Variants in TBX15 observed in about 807,000 individuals in gnomAD.
TBX15 encodes the protein T-box transcription factor 15.
TBX15 carries 18 observed loss-of-function variants against 53.9 expected under a neutral mutation model. The ratio of observed to expected loss-of-function variants is 0.33; its 90% CI spans 0.23 to 0.49. The LOEUF is 0.49. TBX15 is among the 20% of genes least tolerant of loss of function. The pLI, the probability that TBX15 is intolerant of heterozygous loss-of-function variation, is 0.98. For synonymous variants in TBX15, 295 were observed against 278.0 expected (o/e 1.06, Z -0.61); for missense variants, 692 against 749.5 (o/e 0.92, Z 0.90).
chr1:118,948,578 C>T (rs1161929601), intron 1 of TBX15, among the ~76,000 whole-genome samples: 1 of 152,192 alleles, frequency 6.6e-6, no homozygotes, highest in South Asian at 2.1e-4. Flanking sequence ...GGCCTCAGTG[C>T]AATTCTTCTC....
At position 118,884,565 on chromosome 1, in the gene TBX15, T is replaced by A; in HGVS notation, c.*167A>T. 1 of 818,140 alleles carries A rather than the reference T, an allele frequency of 1.2e-6. No individual in the cohort carries two copies. The highest frequency in any genetic ancestry group is 2.9e-5 in the Admixed American group (1 of 34,680). 50.7% of individuals were successfully genotyped at this position (818,140 alleles called of 1,614,324 possible). ...TCTATCGCAAGTATCCTTCACTGGC[T>A]TAAAGGTATCTCTTGTTCTTGGGTA... On this transcript the variant is annotated 3_prime_UTR_variant, in exon 8 of 8. Transcript: ENST00000369429.
rs181744838 is a variant in TBX15, at chr1:118,900,969, G to C, written c.927-1844C>G. Among the ~76,000 whole-genome samples, 128 of 152,248 alleles carry C rather than the reference G, an allele frequency of 8.4e-4. 4 individuals are homozygous for C. The highest frequency in any genetic ancestry group is 1.2e-3 in the African/African-American group (49 of 41,546). Reference sequence around the variant, plus strand: ...ATTCTTCCCAGGAACATGTACTGATGATGAGGACAAAATATTAGCTCAAGG... The same window carrying C: ...ATTCTTCCCAGGAACATGTACTGATCATGAGGACAAAATATTAGCTCAAGG... On this transcript the variant is annotated intron_variant, in intron 6 of 7. Coordinates refer to ENST00000369429, the MANE Select transcript of TBX15 (RefSeq NM_001330677.2).
intron 2 of TBX15, among the ~76,000 whole-genome samples, chr1:118,929,658 A>G (rs1011835148): frequency 2.6e-5 from 4 of 152,202 alleles, no homozygotes; most frequent in African/African-American, 9.7e-5. Context: ...TTGTGAAATC[A>G]GGGATATGGA....
chr1:118,916,474 A>G (rs1655225226), intron 5 of TBX15, among the ~76,000 whole-genome samples: 1 of 152,210 alleles, frequency 6.6e-6, no homozygotes, highest in South Asian at 2.1e-4. Flanking sequence ...GCCAAGAAAC[A>G]CATGAAAAAA....
At chr1:118,916,055 AT>A (rs1389404285) in intron 5 of TBX15, among the ~76,000 whole-genome samples, 1 of 152,238 alleles carries the variant, frequency 6.6e-6, no homozygotes. Flanking sequence ...GCCACTTATC[AT>A]TTATCATCAA....
intron 5 of TBX15, among the ~76,000 whole-genome samples, chr1:118,916,691 C>G (rs1031573513): frequency 3.3e-5 from 5 of 152,070 alleles, no homozygotes; most frequent in African/African-American, 1.2e-4. Flanking sequence ...TGATGAAACA[C>G]CATCTCTACT....
chr1:118,953,048 C>A (rs1380401616), intron 1 of TBX15, among the ~76,000 whole-genome samples: 6 of 150,338 alleles, frequency 4.0e-5, no homozygotes, highest in African/African-American at 1.5e-4. Context: ...CCAATACTGA[C>A]ATTTTTCCAT....
chr1:118,912,360 G>C (rs1009164126), intron 6 of TBX15, among the ~76,000 whole-genome samples: 6 of 151,868 alleles, frequency 4.0e-5, no homozygotes, highest in African/African-American at 1.5e-4. Flanking sequence ...CTCTCTCCAG[G>C]AAAAATGTGC....
intron 1 of TBX15, among the ~76,000 whole-genome samples, chr1:118,948,469 C>G (rs2101650782): frequency 6.6e-6 from 1 of 152,270 alleles, no homozygotes; most frequent in East Asian, 1.9e-4. Context: ...GCCTTCTGCT[C>G]CCTCCTAAAA....
intron 6 of TBX15, 116 bp from the exon 7 acceptor site, chr1:118,899,241 AC>A: frequency 1.1e-6 from 1 of 922,004 alleles, no homozygotes; most frequent in Non-Finnish European, 1.7e-6. Context: ...ATACTAAGCT[AC>A]CACCATCAAG....
chr1:118,965,801 A>G (rs1048950700), intron 1 of TBX15, among the ~76,000 whole-genome samples: 2 of 152,240 alleles, frequency 1.3e-5, no homozygotes, highest in Middle Eastern at 3.2e-3. Context: ...ACAGCTCAAA[A>G]CTAAAATTAT....
intron 6 of TBX15, among the ~76,000 whole-genome samples, chr1:118,909,568 G>T (rs1654958950): frequency 6.6e-6 from 1 of 151,946 alleles, no homozygotes; most frequent in South Asian, 2.1e-4. Flanking sequence ...TGTTGTTGTT[G>T]TTGTTTGTTT....
chr1:118,911,043 T>A (rs1655010958), intron 6 of TBX15, among the ~76,000 whole-genome samples: 5 of 152,222 alleles, frequency 3.3e-5, no homozygotes, highest in Admixed American at 3.3e-4. Flanking sequence ...AATTCTGTTC[T>A]CAATATCTGT....
rs1489986443 is a variant in TBX15 at position 118,935,578 on chromosome 1, C to T, written c.206-3746G>A. Among the ~76,000 whole-genome samples the T allele has an allele frequency of 2.0e-5, 3 of 152,136 alleles. No homozygotes were observed. In the East Asian group the frequency reaches 5.8e-4, roughly 29 times the overall value. On this transcript the variant is annotated intron_variant, in intron 1 of 7. Transcript: ENST00000369429. Reference sequence around the variant, plus strand: ...GAAAACTTAAGTAACCTGCGCTGAGCCAGTTACAAGTCACTAGAGAACATT... The same window carrying T: ...GAAAACTTAAGTAACCTGCGCTGAGTCAGTTACAAGTCACTAGAGAACATT...
intron 3 of TBX15, among the ~76,000 whole-genome samples, chr1:118,925,936 A>G (rs1047355583): frequency 2.6e-5 from 4 of 152,084 alleles, no homozygotes; most frequent in African/African-American, 9.7e-5. Flanking sequence ...AGAACTATGT[A>G]TAAGCCATCC....
intron 6 of TBX15, among the ~76,000 whole-genome samples, chr1:118,903,691 G>C (rs538689672): frequency 8.5e-5 from 13 of 152,238 alleles, no homozygotes; most frequent in African/African-American, 2.6e-4. Flanking sequence ...CAGAGGTCTT[G>C]AAGTAATAAG....
chr1:118,934,064 G>A (rs545840364), intron 1 of TBX15, among the ~76,000 whole-genome samples: 2 of 152,212 alleles, frequency 1.3e-5, no homozygotes, highest in African/African-American at 2.4e-5. Context: ...AGAGAATTAT[G>A]AAATAAGAGA....
At chr1:118,970,808 C>A (rs1022829142) in intron 1 of TBX15, among the ~76,000 whole-genome samples, 1 of 152,132 alleles carries the variant, frequency 6.6e-6, no homozygotes, top group Non-Finnish European at 1.5e-5. Flanking sequence ...CTTCCTTCTC[C>A]TGACAATCTA....
At chr1:118,975,056 G>C (rs1373353157) in intron 1 of TBX15, among the ~76,000 whole-genome samples, 7 of 152,350 alleles carry the variant, frequency 4.6e-5, no homozygotes, top group Non-Finnish European at 8.8e-5. Context: ...ATTGTGAATG[G>C]AGAAGGGAAT....
Sources: gnomAD v4.1 joint callset for allele counts (sites outside exome capture counted in the v4.1 genomes callset) on GRCh38, gnomAD v4.1.1 for gene constraint, MANE v1.5 for transcripts, NCBI Gene and HGNC (gene_info 2026-07-23, HGNC 2026-07-21) for gene names.